Variants in TMLHE observed in about 807,000 individuals in gnomAD.
TMLHE encodes the protein trimethyllysine hydroxylase, epsilon, also known as trimethyllysine dioxygenase, mitochondrial.
In TMLHE, 18 loss-of-function variants were observed where a neutral mutation model predicts 25.7. The ratio of observed to expected loss-of-function variants is 0.70; its 90% CI spans 0.48 to 1.04. The LOEUF (loss-of-function observed/expected upper bound fraction) is 1.04, where lower values mean the gene tolerates loss of function less well. Among genes scored for constraint, TMLHE ranks in the 50% least tolerant of loss-of-function variants. The pLI, the probability that TMLHE is intolerant of heterozygous loss-of-function variation, is 0.00. For missense variants in TMLHE, 236 were observed against 259.0 expected (o/e 0.91, Z 0.61); for synonymous variants, 105 against 97.0 (o/e 1.08, Z -0.49).
chrX:155,573,991 A>AT (rs1319103670), intron 1 of TMLHE, among the ~76,000 whole-genome samples: 1 of 105,142 alleles, frequency 9.5e-6, no homozygotes, highest in Non-Finnish European at 1.9e-5. Flanking sequence ...AATAATAATA[A>AT]AATAAAATAA....
chrX:155,547,910 A>G (rs1300953278), intron 1 of TMLHE, among the ~76,000 whole-genome samples: 2 of 111,228 alleles, frequency 1.8e-5, no homozygotes, highest in African/African-American at 6.5e-5. Flanking sequence ...AGACACATAC[A>G]GAAATACATA....
chrX:155,504,698 A>C (rs1245526188), intron 6 of TMLHE, among the ~76,000 whole-genome samples: 2 of 111,720 alleles, frequency 1.8e-5, no homozygotes, highest in East Asian at 5.6e-4. Context: ...CCTTAGTGAA[A>C]TGAAAATGAA....
chrX:155,564,539 C>G lies in TMLHE; in HGVS notation c.-1-19262G>C, dbSNP rs1420809709. On this transcript the variant is annotated intron_variant, in intron 1 of 7. Coordinates refer to ENST00000334398, the MANE Select transcript of TMLHE (RefSeq NM_018196.4). ...AGTCTGGGTCTCCAAGGAATGGGCT[C>G]TCATTAGTATTCTTGCCATGGTCAT... Among the ~76,000 whole-genome samples, 8 of 61,885 alleles carry G rather than the reference C, an allele frequency of 1.3e-4. 1 individual carries two copies. Among genetic ancestry groups the G allele is most frequent in the Admixed American group, 7.6e-4 (4 of 5,249 alleles). 53.7% of individuals were successfully genotyped at this position (61,885 alleles called of 115,157 possible).
intron 3 of TMLHE, among the ~76,000 whole-genome samples, chrX:155,516,027 T>TTTC (rs2067152044): frequency 1.1e-5 from 1 of 89,507 alleles, no homozygotes; most frequent in African/African-American, 3.8e-5. Flanking sequence ...TTTTTTTTTT[T>TTTC]TTATTATACT....
In TMLHE at chrX:155,548,993, T is replaced by G. The variant is rs184257794; in HGVS notation, c.-1-3716A>C. Among the ~76,000 whole-genome samples the G allele has an allele frequency of 1.3e-3, 145 of 110,823 alleles. 1 individual carries two copies. Among genetic ancestry groups the G allele is most frequent in the Non-Finnish European group, 1.7e-3 (90 of 53,030 alleles). The stretch of plus-strand genomic sequence containing the variant: ...CTTGCACATCTTTCATTGAATTCAT[T>G]CCTAAGTGATTTCTTGTGCTATTAC... On this transcript the variant is annotated intron_variant, in intron 1 of 7. Coordinates refer to ENST00000334398, the MANE Select transcript of TMLHE (RefSeq NM_018196.4).
chrX:155,551,361 TC>T (rs1282545792), intron 1 of TMLHE, among the ~76,000 whole-genome samples: 2 of 48,986 alleles, frequency 4.1e-5, no homozygotes, highest in African/African-American at 1.8e-4. Context: ...CCCTCCCCCC[TC>T]CCCCCACCCC....
Position 155,573,980 on chromosome X carries a change from T to A in TMLHE, c.-1-28703A>T, listed in dbSNP as rs781827725. The stretch of plus-strand genomic sequence containing the variant: ...CACATGTACCCTAAAACTTAAAGTA[T>A]AATAATAATAAAATAAAATAAAATA... On this transcript the variant is annotated intron_variant, in intron 1 of 7. Transcript: ENST00000334398. Among the ~76,000 whole-genome samples, 5 of 104,038 alleles carry A rather than the reference T, an allele frequency of 4.8e-5. No homozygotes were observed. The East Asian group carries it at 1.2e-3, about 24-fold the overall frequency. 90.3% of individuals were successfully genotyped at this position (104,038 alleles called of 115,157 possible).
intron 1 of TMLHE, among the ~76,000 whole-genome samples, chrX:155,555,640 A>AT (rs2067447558): frequency 9.0e-6 from 1 of 110,828 alleles, no homozygotes; most frequent in Non-Finnish European, 1.9e-5. Flanking sequence ...GATGATGAGC[A>AT]TTTTTTCATG....
chrX:155,514,115 A>C lies in TMLHE; in HGVS notation c.509T>G (p.Phe170Cys), dbSNP rs781943004. The C allele has an allele frequency of 2.5e-6, 3 of 1,209,424 alleles. No individual in the cohort carries two copies. Among genetic ancestry groups the C allele is most frequent in the Non-Finnish European group, 2.2e-6 (2 of 894,978 alleles). The stretch of plus-strand genomic sequence containing the variant: ...CTTCAGTCCCTCGTTGGTTTCTAAG[A>C]AGCTCTGGCAATCTACCGATGGAAC... ...AQVPSVDCQS[F>C]LETNEGLKKF... Residue 170 changes from phenylalanine to cysteine, a missense_variant, in exon 4 of 8, where the codon TTC becomes TGC. This residue lies in a region of TMLHE where 217 missense variants were observed against 214.6 expected (regional missense o/e 1.01). Transcript: ENST00000334398.
chrX:155,524,426 C>G (rs782771330), intron 3 of TMLHE, 30 bp downstream of exon 3: 1 of 1,079,759 alleles, frequency 9.3e-7, no homozygotes, highest in East Asian at 3.4e-5. Flanking sequence ...AGAGTACCCC[C>G]AAAGAAGATC....
chrX:155,546,412 G>A (rs2067345103), intron 1 of TMLHE, among the ~76,000 whole-genome samples: 1 of 111,484 alleles, frequency 9.0e-6, no homozygotes, highest in African/African-American at 3.3e-5. Context: ...ATTGCAGATA[G>A]GCTGTGTGGT....
chrX:155,602,150 A>G (rs1557347359), intron 1 of TMLHE, among the ~76,000 whole-genome samples: 1 of 111,785 alleles, frequency 8.9e-6, no homozygotes, highest in Non-Finnish European at 1.9e-5. Flanking sequence ...ACAAGATGTT[A>G]GCAAATCAAA....
intron 2 of TMLHE, among the ~76,000 whole-genome samples, chrX:155,538,772 T>C (rs1392636378): frequency 2.7e-5 from 3 of 111,836 alleles, no homozygotes; most frequent in African/African-American, 9.8e-5. Context: ...CTAGATTCTA[T>C]CTCTTTTTCA....
rs1557340207 is a variant in TMLHE at position 155,552,724 on chromosome X, G to T, written c.-1-7447C>A. 2.7e-5 allele frequency among the ~76,000 whole-genome samples: 3 copies of T among 109,599 alleles called. 1 individual carries two copies. The highest frequency in any genetic ancestry group is 1.0e-4 in the African/African-American group (3 of 29,530). On this transcript the variant is annotated intron_variant, in intron 1 of 7. Coordinates refer to ENST00000334398, the MANE Select transcript of TMLHE (RefSeq NM_018196.4). ...ATATGTCTTTCTTACAGGAAATTCTGTTCTTATCTTTGCTTCCTTCTACAT... is the reference window on the plus strand; with the variant it reads ...ATATGTCTTTCTTACAGGAAATTCTTTTCTTATCTTTGCTTCCTTCTACAT...
chrX:155,560,185 T>C (rs2067485680), intron 1 of TMLHE, among the ~76,000 whole-genome samples: 1 of 112,100 alleles, frequency 8.9e-6, no homozygotes, highest in Non-Finnish European at 1.9e-5. Context: ...CCATCACATA[T>C]ACTGCCTTCT....
intron 1 of TMLHE, among the ~76,000 whole-genome samples, chrX:155,549,606 T>C (rs934129902): frequency 1.8e-5 from 2 of 110,473 alleles, no homozygotes; most frequent in African/African-American, 3.3e-5. Flanking sequence ...TTTTTATACA[T>C]TGTTGGATTC....
At chrX:155,506,744 A>T (rs1557332716) in intron 6 of TMLHE, among the ~76,000 whole-genome samples, 154 bp downstream of exon 6, 1 of 111,785 alleles carries the variant, frequency 8.9e-6, no homozygotes, top group African/African-American at 3.2e-5. Context: ...TTCCATGGGA[A>T]TTATAAGAAG....
At chrX:155,542,659 G>C (rs942810112) in intron 2 of TMLHE, among the ~76,000 whole-genome samples, 2 of 111,696 alleles carry the variant, frequency 1.8e-5, no homozygotes, top group East Asian at 5.6e-4. Flanking sequence ...GTATGAAAAA[G>C]TCTTTATCTC....
chrX:155,608,942 G>A (rs2067803319), intron 1 of TMLHE, among the ~76,000 whole-genome samples: 1 of 112,158 alleles, frequency 8.9e-6, no homozygotes. Context: ...CTGTTGGTGG[G>A]AATGTCAGTT....
Sources: gnomAD v4.1 joint callset for allele counts (sites outside exome capture counted in the v4.1 genomes callset) on GRCh38, gnomAD v4.1.1 for gene constraint, gnomAD v4.1.1 regional missense constraint, MANE v1.5 for transcripts, NCBI Gene and HGNC (gene_info 2026-07-23, HGNC 2026-07-21) for gene names.